Variants in SEPTIN10 observed in about 807,000 individuals in gnomAD.
SEPTIN10 encodes the protein septin 10, also known as septin-10.
A neutral mutation model predicts 54.8 loss-of-function variants in SEPTIN10; 66 were observed. The observed-to-expected ratio is 1.21, with a 90% CI of 0.99 to 1.48. SEPTIN10 has a LOEUF of 1.48. SEPTIN10 is among the 40% of genes most tolerant of loss of function. The pLI is 0.00. For missense variants in SEPTIN10, 620 were observed against 545.6 expected, an observed-to-expected ratio of 1.14 and a Z score of -1.36; for synonymous variants, 161 against 181.0, an observed-to-expected ratio of 0.89 and a Z score of 0.89.
chr2:109,613,482 G>A (rs969599087), intron 1 of SEPTIN10: 3 of 247,960 alleles, frequency 1.2e-5, no homozygotes, highest in East Asian at 8.1e-5. Context: ...CGTTATAGCC[G>A]TAAGAGACCC....
intron 2 of SEPTIN10, among the ~76,000 whole-genome samples, chr2:109,589,477 C>T (rs1028477674): frequency 9.2e-5 from 14 of 151,982 alleles, no homozygotes; most frequent in Non-Finnish European, 1.8e-4. Flanking sequence ...TTGCAGTGAG[C>T]CAAGATCCTG....
At chr2:109,546,813 C>T (rs1681369765) in intron 9 of SEPTIN10, among the ~76,000 whole-genome samples, 1 of 152,040 alleles carries the variant, frequency 6.6e-6, no homozygotes, top group African/African-American at 2.4e-5. Flanking sequence ...GAAAGCTTTA[C>T]ATATAAAAAT....
chr2:109,600,548 A>AC (rs1248828709), intron 1 of SEPTIN10, among the ~76,000 whole-genome samples: 1 of 151,968 alleles, frequency 6.6e-6, no homozygotes, highest in Non-Finnish European at 1.5e-5. Flanking sequence ...GAAAAAAAAA[A>AC]AAAACCACAA....
At chr2:109,602,503 C>T (rs149537714) in intron 1 of SEPTIN10, among the ~76,000 whole-genome samples, 3,935 of 151,984 alleles carry the variant, frequency 0.026, 63 homozygotes, top group South Asian at 0.074. Flanking sequence ...TGGTGAAACC[C>T]CATCTCTACT....
intron 1 of SEPTIN10, among the ~76,000 whole-genome samples, chr2:109,609,258 G>A (rs1698696501): frequency 6.6e-6 from 1 of 152,142 alleles, no homozygotes; most frequent in South Asian, 2.1e-4. Flanking sequence ...GAATAAAATT[G>A]TCCAAGATAA....
intron 9 of SEPTIN10, 57 bp downstream of exon 9, chr2:109,553,030 C>A: frequency 6.4e-7 from 1 of 1,573,500 alleles, no homozygotes; most frequent in Non-Finnish European, 8.6e-7. Context: ...ATAAATCCTC[C>A]AAATTAATAG....
Position 109,613,783 on chromosome 2 carries a change from G to A in SEPTIN10, c.30+15C>T, listed in dbSNP as rs772324045. On this transcript the variant is annotated intron_variant, in intron 1 of 10. Coordinates refer to ENST00000397712, the MANE Select transcript of SEPTIN10 (RefSeq NM_144710.5). ...GGGAGCGCGGGGCTGGGGCCCCGGC[G>A]TCGGCGGGACTCACCAGGTGCCGCG... 1.1e-5 allele frequency: 14 copies of A among 1,224,580 alleles called. No homozygotes were observed. The South Asian group carries it at 3.7e-4, about 32-fold the overall frequency. 75.9% of individuals were successfully genotyped at this position (1,224,580 alleles called of 1,614,324 possible).
rs540292155 is a variant in SEPTIN10, at chr2:109,610,472, C to T, written c.30+3326G>A. ...GCTCACGCCTGTAATCCCAACACTT[C>T]GGGAGACTGAGACGGGTGGATCACC... On this transcript the variant is annotated intron_variant, in intron 1 of 10. Coordinates refer to ENST00000397712, the MANE Select transcript of SEPTIN10 (RefSeq NM_144710.5). 5.9e-5 allele frequency among the ~76,000 whole-genome samples: 9 copies of T among 152,228 alleles called. 1 individual carries two copies. The highest frequency in any genetic ancestry group is 1.9e-4 in the East Asian group (1 of 5,142).
At chr2:109,557,218 AAACAT>A (rs1429302501) in intron 8 of SEPTIN10, among the ~76,000 whole-genome samples, 2 of 152,190 alleles carry the variant, frequency 1.3e-5, no homozygotes, top group Non-Finnish European at 2.9e-5. Flanking sequence ...AATGCATAAC[AAACAT>A]AAGTTTTTTA....
intron 8 of SEPTIN10, among the ~76,000 whole-genome samples, chr2:109,556,777 A>G (rs1684470477): frequency 6.6e-6 from 1 of 152,174 alleles, no homozygotes; most frequent in African/African-American, 2.4e-5. Flanking sequence ...ATGTAAAAAT[A>G]TCTTGAATTC....
chr2:109,549,955 T>C (rs1427258920), intron 9 of SEPTIN10, among the ~76,000 whole-genome samples: 1 of 152,200 alleles, frequency 6.6e-6, no homozygotes, highest in Non-Finnish European at 1.5e-5. Context: ...AAAGGGGGAC[T>C]ACTGTACAAT....
intron 2 of SEPTIN10, among the ~76,000 whole-genome samples, chr2:109,590,048 A>G (rs1693590468): frequency 6.9e-6 from 1 of 144,118 alleles, no homozygotes. Flanking sequence ...ACACATATAT[A>G]TGTGTGTGTA....
intron 10 of SEPTIN10, chr2:109,545,626 T>A (rs2104533933): frequency 6.6e-7 from 1 of 1,525,656 alleles, no homozygotes; most frequent in Admixed American, 2.0e-5. Context: ...TTCAATAAAA[T>A]ACTATCTTAT....
At chr2:109,602,612 T>A (rs1432294011) in intron 1 of SEPTIN10, among the ~76,000 whole-genome samples, 4 of 149,216 alleles carry the variant, frequency 2.7e-5, no homozygotes, top group African/African-American at 9.9e-5. Context: ...GAGGCAGAGG[T>A]TGCAGTGAGC....
At chr2:109,589,187 G>A (rs758886412) in intron 2 of SEPTIN10, among the ~76,000 whole-genome samples, 4 of 151,998 alleles carry the variant, frequency 2.6e-5, no homozygotes, top group Non-Finnish European at 4.4e-5. Flanking sequence ...CTGTCACCCA[G>A]GCTGGAGTGC....
At chr2:109,596,231 T>A (rs1558870443) in intron 1 of SEPTIN10, among the ~76,000 whole-genome samples, 3 of 152,032 alleles carry the variant, frequency 2.0e-5, no homozygotes, top group Non-Finnish European at 4.4e-5. Context: ...GGTAAAAAAG[T>A]GGTTTTTAGT....
Position 109,545,510 on chromosome 2 carries a change from A to G in SEPTIN10, c.1349+540T>C, listed in dbSNP as rs191256927. 3,461 of 1,536,136 alleles carry G rather than the reference A, an allele frequency of 2.3e-3. 4 individuals carry two copies. Among genetic ancestry groups the G allele is most frequent in the Non-Finnish European group, 2.4e-3 (2,777 of 1,146,896 alleles). ...ATTGGTTTCACAAGCTCTGACATCA[A>G]TGCACAGGAGTTCGAATCGACAGCC... On this transcript the variant is annotated intron_variant, in intron 10 of 10. Coordinates refer to ENST00000397712, the MANE Select transcript of SEPTIN10 (RefSeq NM_144710.5).
intron 8 of SEPTIN10, among the ~76,000 whole-genome samples, chr2:109,561,518 G>T (rs1685650155): frequency 6.6e-6 from 1 of 152,066 alleles, no homozygotes; most frequent in African/African-American, 2.4e-5. Context: ...AAATACTTAA[G>T]ATTTTACCCA....
At chr2:109,585,489 G>A (rs1407250726) in intron 3 of SEPTIN10, among the ~76,000 whole-genome samples, 168 bp from the exon 4 acceptor site, 1 of 152,160 alleles carries the variant, frequency 6.6e-6, no homozygotes, top group African/African-American at 2.4e-5. Context: ...AGAGCATAGA[G>A]TAAGTGTGCT....
Sources: allele counts gnomAD v4.1 joint callset (sites outside exome capture counted in the v4.1 genomes callset), GRCh38; gene constraint gnomAD v4.1.1; transcripts MANE v1.5; gene names NCBI Gene and HGNC (gene_info 2026-07-23, HGNC 2026-07-21).